The following ATXN7L2 variants were observed in gnomAD, a reference collection of about 807,000 sequenced individuals.
The protein encoded by ATXN7L2 is ataxin-7-like protein 2.
ATXN7L2 carries 17 observed loss-of-function variants against 59.6 expected under a neutral mutation model. The observed-to-expected ratio is 0.29, with a 90% CI of 0.20 to 0.43. ATXN7L2 has a LOEUF of 0.43. ATXN7L2 is among the 20% of genes least tolerant of loss of function. The pLI is 1.00. For missense variants in ATXN7L2, 858 were observed against 1,008.9 expected (o/e 0.85, Z 2.03); for synonymous variants, 378 against 392.5 (o/e 0.96, Z 0.44).
Position 109,486,680 on chromosome 1 carries a change from C to A in ATXN7L2, c.298+70C>A. On this transcript the variant is annotated intron_variant, in intron 3 of 10. Coordinates refer to ENST00000683729, the MANE Select transcript of ATXN7L2 (RefSeq NM_001350175.2). The surrounding 1 kb of genome is among the most constrained non-coding windows in gnomAD (Gnocchi z 4.3). The stretch of plus-strand genomic sequence containing the variant: ...GAGCATGGAACTCTGAGGACAGGGT[C>A]AGTTGGGAGGTCTCGTAGGGTAATG... 2 of 1,365,082 alleles carry A rather than the reference C, an allele frequency of 1.5e-6. No homozygotes were observed. The highest frequency in any genetic ancestry group is 2.1e-6 in the Non-Finnish European group (2 of 964,484). The allele number at this position is 1,365,082 out of a possible 1,614,324, so 84.6% of individuals were successfully genotyped here.
At position 109,486,175 on chromosome 1, in the gene ATXN7L2, C is replaced by T. The variant is rs1459763402; in HGVS notation, c.193+53C>T. Reference sequence around the variant, plus strand: ...GACCCAGGGCAGACAGGACCACGCTCCACTTTTCCACCACACTACAGAAGG... The same window carrying T: ...GACCCAGGGCAGACAGGACCACGCTTCACTTTTCCACCACACTACAGAAGG... On this transcript the variant is annotated intron_variant, in intron 2 of 10. Transcript: ENST00000683729. This position sits in a 1 kb window ranked among gnomAD's most constrained non-coding sequence, Gnocchi z 4.3. 1.3e-6 allele frequency: 2 copies of T among 1,508,296 alleles called. No homozygotes were observed. Among genetic ancestry groups the T allele is most frequent in the Middle Eastern group, 1.8e-4 (1 of 5,566 alleles). The allele number at this position is 1,508,296 out of a possible 1,614,324, so 93.4% of individuals were successfully genotyped here. A position where few individuals can be genotyped will look rare whatever the true frequency, so the allele number is the denominator to read the frequency against.
rs747849280 is a variant in ATXN7L2, at chr1:109,491,139, A to G, written c.1672A>G (p.Met558Val). The change falls in exon 10 of 11, where the codon ATG becomes GTG. Residue 558 changes from methionine to valine, a missense_variant. Met to Val is a conservative substitution (Grantham distance 21). Around this residue, in one of 3 missense-constraint regions of ATXN7L2, gnomAD observed 734 missense variants for 862.3 expected, o/e 0.85. Transcript: ENST00000683729. This position sits in a 1 kb window ranked among gnomAD's most constrained non-coding sequence, Gnocchi z 4.1. The stretch of plus-strand genomic sequence containing the variant: ...GGCTGCCTGTAGCCAGGCAGAGTGC[A>G]TGGGCGGGAGCCAGGCTATCACCTC... ...VAAACSQAEC[M>V]GGSQAITSPL... is the part of the protein sequence containing the mutation. 6.2e-7 allele frequency: 1 copy of G among 1,613,588 alleles called. No homozygotes were observed. Among genetic ancestry groups the G allele is most frequent in the African/African-American group, 1.3e-5 (1 of 75,076 alleles).
Position 109,491,670 on chromosome 1 carries a change from A to G in ATXN7L2, c.2203A>G (p.Lys735Glu). The G allele has an allele frequency of 6.2e-7, 1 of 1,610,416 alleles. No homozygotes were observed. The highest frequency in any genetic ancestry group is 8.5e-7 in the Non-Finnish European group (1 of 1,178,234). The change falls in exon 10 of 11, where the codon AAG (lysine) becomes GAG (glutamate). Residue 735 changes from lysine to glutamate, a missense_variant. By Grantham distance (56) the Lys-to-Glu change is moderately conservative (BLOSUM62 1). Around this residue, in one of 3 missense-constraint regions of ATXN7L2, gnomAD observed 734 missense variants for 862.3 expected, o/e 0.85. Transcript: ENST00000683729. This position sits in a 1 kb window ranked among gnomAD's most constrained non-coding sequence, Gnocchi z 4.1. ...TGTGGCCTGCTCTGTGCGCCGCAAGAAGCCAGGCCCGGCCCTGGCCTTTGA... is the reference window on the plus strand; with the variant it reads ...TGTGGCCTGCTCTGTGCGCCGCAAGGAGCCAGGCCCGGCCCTGGCCTTTGA... ...ADVACSVRRK[K>E]PGPALAFEEK...
Position 109,490,934 on chromosome 1 carries a change from G to T in ATXN7L2, c.1467G>T (p.Pro489=), listed in dbSNP as rs150647650. The stretch of plus-strand genomic sequence containing the variant: ...CTTTTTGCTGCAGGAAGATCCCACC[G>T]GCAGCTGAACCTCCAGCTCACCTTG... ...LSTHMWKKIP[P]AAEPPAHLVN... is the part of the protein sequence containing the mutation. The change falls in exon 10 of 11, where the codon CCG becomes CCT. Residue 489 remains proline, a synonymous_variant. Transcript: ENST00000683729. The T allele has an allele frequency of 6.4e-7, 1 of 1,552,466 alleles. No individual in the cohort carries two copies. Among genetic ancestry groups the T allele is most frequent in the Non-Finnish European group, 8.7e-7 (1 of 1,149,018 alleles).
chr1:109,492,032 G>A, intron 10 of ATXN7L2: 1 of 1,151,414 alleles, frequency 8.7e-7, no homozygotes. Flanking sequence ...TCCAGGTACT[G>A]GAGCTACCTC....
Position 109,486,945 on chromosome 1 carries a change from G to A in ATXN7L2, c.299-62G>A. 7.1e-7 allele frequency: 1 copy of A among 1,404,442 alleles called. No homozygotes were observed. The highest frequency in any genetic ancestry group is 9.6e-7 in the Non-Finnish European group (1 of 1,039,144). The allele number at this position is 1,404,442 out of a possible 1,614,324, so 87.0% of individuals were successfully genotyped here. Reference sequence around the variant, plus strand: ...TCATGTGAGTCTATGGACATGGTTAGGTTGGGGAAGGAAGTGGTGATACCA... The same window carrying A: ...TCATGTGAGTCTATGGACATGGTTAAGTTGGGGAAGGAAGTGGTGATACCA... On this transcript the variant is annotated intron_variant, in intron 3 of 10. Transcript: ENST00000683729. The surrounding 1 kb of genome is among the most constrained non-coding windows in gnomAD (Gnocchi z 4.3).
rs1167571190 is a variant in ATXN7L2 at position 109,491,099 on chromosome 1, C to T, written c.1632C>T (p.Gly544=). ...KDNLVPSYPA[G]SPSVAAACSQ... ...ACCTTGTCCCCAGCTACCCTGCAGGCTCCCCCAGCGTGGCGGCTGCCTGTA... is the reference window on the plus strand; with the variant it reads ...ACCTTGTCCCCAGCTACCCTGCAGGTTCCCCCAGCGTGGCGGCTGCCTGTA... Residue 544 remains glycine, a synonymous_variant, in exon 10 of 11, where the codon GGC becomes GGT. Coordinates refer to ENST00000683729, the MANE Select transcript of ATXN7L2 (RefSeq NM_001350175.2). This position sits in a 1 kb window ranked among gnomAD's most constrained non-coding sequence, Gnocchi z 4.1. 1 of 1,613,706 alleles carries T rather than the reference C, an allele frequency of 6.2e-7. No homozygotes were observed. The highest frequency in any genetic ancestry group is 1.1e-5 in the South Asian group (1 of 91,070).
At chr1:109,487,933 G>A (rs1557869906) in intron 5 of ATXN7L2, 129 bp downstream of exon 5, 2 of 1,129,470 alleles carry the variant, frequency 1.8e-6, no homozygotes, top group Non-Finnish European at 1.2e-6. Flanking sequence ...GGGTATAGGA[G>A]CCCCGTCACC....
chr1:109,486,301 A>G lies in ATXN7L2; in HGVS notation c.193+179A>G, dbSNP rs1316439180. On this transcript the variant is annotated intron_variant, in intron 2 of 10. Coordinates refer to ENST00000683729, the MANE Select transcript of ATXN7L2 (RefSeq NM_001350175.2). The surrounding 1 kb of genome is among the most constrained non-coding windows in gnomAD (Gnocchi z 4.3). ...TGACCTGTCGTTGGAGATCATAATC[A>G]TAGGTGATTGCCCACTCACCTGAAA... 3 of 1,073,660 alleles carry G rather than the reference A, an allele frequency of 2.8e-6. No homozygotes were observed. The highest frequency in any genetic ancestry group is 3.0e-5 in the Admixed American group (1 of 32,844). 66.5% of individuals were successfully genotyped at this position (1,073,660 alleles called of 1,614,324 possible).
At position 109,488,154 on chromosome 1, in the gene ATXN7L2, G is replaced by T. The variant is rs1656735156; in HGVS notation, c.797-229G>T. ...TCTTGATGTGTGTTGCCCTGCTTTGGGCTTGAAGTCCCAAAAGGCGCACCT... is the reference window on the plus strand; with the variant it reads ...TCTTGATGTGTGTTGCCCTGCTTTGTGCTTGAAGTCCCAAAAGGCGCACCT... On this transcript the variant is annotated intron_variant, in intron 5 of 10. Transcript: ENST00000683729. This position sits in a 1 kb window ranked among gnomAD's most constrained non-coding sequence, Gnocchi z 5.0. Among the ~76,000 whole-genome samples, 1 of 152,204 alleles carries T rather than the reference G, an allele frequency of 6.6e-6. No homozygotes were observed. Among genetic ancestry groups the T allele is most frequent in the Admixed American group, 6.5e-5 (1 of 15,282 alleles).
intron 1 of ATXN7L2, 66 bp from the exon 2 acceptor site, chr1:109,485,991 G>A (rs566903819): frequency 1.4e-6 from 2 of 1,463,876 alleles, no homozygotes; most frequent in South Asian, 3.0e-5. Flanking sequence ...AACAGTCTCT[G>A]GTAAGGAGAG....
intron 1 of ATXN7L2, among the ~76,000 whole-genome samples, 193 bp downstream of exon 1, chr1:109,484,273 C>T (rs1328326427): frequency 2.0e-5 from 3 of 152,072 alleles, no homozygotes; most frequent in African/African-American, 4.8e-5. Flanking sequence ...AGCGCCTGCT[C>T]ACCGCTCGCA....
intron 1 of ATXN7L2, 123 bp from the exon 2 acceptor site, chr1:109,485,933 CT>C (rs1368542138): frequency 2.2e-6 from 3 of 1,361,682 alleles, no homozygotes; most frequent in African/African-American, 1.5e-5. Context: ...GCAGGCCCTG[CT>C]TGGGGCTTCT....
At position 109,491,084 on chromosome 1, in the gene ATXN7L2, C is replaced by T; in HGVS notation, c.1617C>T (p.Pro539=). ...CCCCCACCAAGGACAACCTTGTCCC[C>T]AGCTACCCTGCAGGCTCCCCCAGCG... ...SMPPTKDNLV[P]SYPAGSPSVA... is the part of the protein sequence containing the mutation. Residue 539 remains proline (P), a synonymous_variant, in exon 10 of 11, where the codon CCC becomes CCT. Coordinates refer to ENST00000683729, the MANE Select transcript of ATXN7L2 (RefSeq NM_001350175.2). This position sits in a 1 kb window ranked among gnomAD's most constrained non-coding sequence, Gnocchi z 4.1. 6.2e-7 allele frequency: 1 copy of T among 1,613,762 alleles called. No homozygotes were observed. Among genetic ancestry groups the T allele is most frequent in the Non-Finnish European group, 8.5e-7 (1 of 1,180,008 alleles).
intron 1 of ATXN7L2, chr1:109,485,264 A>C (rs1307537731): frequency 2.8e-6 from 2 of 723,428 alleles, no homozygotes; most frequent in African/African-American, 4.3e-5. Context: ...GGGAGGGGGG[A>C]GGAGAGAGGT....
Position 109,486,674 on chromosome 1 carries a change from C to T in ATXN7L2, c.298+64C>T, listed in dbSNP as rs1232950713. 4.2e-6 allele frequency: 6 copies of T among 1,422,958 alleles called. No individual in the cohort carries two copies. The highest frequency in any genetic ancestry group is 2.8e-5 in the African/African-American group (2 of 71,012). The allele number at this position is 1,422,958 out of a possible 1,614,324, so 88.1% of individuals were successfully genotyped here. On this transcript the variant is annotated intron_variant, in intron 3 of 10. Transcript: ENST00000683729. The surrounding 1 kb of genome is among the most constrained non-coding windows in gnomAD (Gnocchi z 4.3). ...AAGGTGGAGCATGGAACTCTGAGGACAGGGTCAGTTGGGAGGTCTCGTAGG... is the reference window on the plus strand; with the variant it reads ...AAGGTGGAGCATGGAACTCTGAGGATAGGGTCAGTTGGGAGGTCTCGTAGG...
In ATXN7L2 at chr1:109,490,136, C is replaced by A. The variant is rs772784423; in HGVS notation, c.1332+8C>A. On this transcript the variant is annotated splice_region_variant and intron_variant, in intron 8 of 10. Coordinates refer to ENST00000683729, the MANE Select transcript of ATXN7L2 (RefSeq NM_001350175.2). Reference sequence around the variant, plus strand: ...CCCCCACGGCCACAGGCGGTAAGGACCTGGAATAGGGGCCTATGGAGGGGG... The same window carrying A: ...CCCCCACGGCCACAGGCGGTAAGGAACTGGAATAGGGGCCTATGGAGGGGG... The A allele has an allele frequency of 1.3e-6, 2 of 1,565,440 alleles. No homozygotes were observed. Among genetic ancestry groups the A allele is most frequent in the Non-Finnish European group, 1.7e-6 (2 of 1,155,716 alleles).
At position 109,487,169 on chromosome 1, in the gene ATXN7L2, G is replaced by T; in HGVS notation, c.461G>T (p.Arg154Leu). 2 of 1,597,092 alleles carry T rather than the reference G, an allele frequency of 1.3e-6. No homozygotes were observed. The highest frequency in any genetic ancestry group is 1.7e-6 in the Non-Finnish European group (2 of 1,171,648). ...TCCAGGGAGAAGGGCCAGGGGTCCC[G>T]GAGCCGTGGCCACCAGCCTCCTGAG... Reference protein sequence around the residue: ...TSSREKGQGSRSRGHQPPEKT... With the variant: ...TSSREKGQGSLSRGHQPPEKT... The change falls in exon 4 of 11, where the codon CGG becomes CTG. Residue 154 changes from arginine (R) to leucine (L), a missense_variant. By Grantham distance (102) the Arg-to-Leu change is moderately radical. This residue lies in a region of ATXN7L2 where 734 missense variants were observed against 862.3 expected (regional missense o/e 0.85). Transcript: ENST00000683729.
intron 5 of ATXN7L2, 109 bp downstream of exon 5, chr1:109,487,913 A>G: frequency 7.5e-7 from 1 of 1,335,726 alleles, no homozygotes; most frequent in African/African-American, 1.5e-5. Context: ...CCTGGCCATC[A>G]CAGGTTGTAG....
Sources: gnomAD v4.1 joint callset for allele counts (sites outside exome capture counted in the v4.1 genomes callset) on GRCh38, gnomAD v4.1.1 for gene constraint, gnomAD v4.1.1 regional missense constraint, Gnocchi (gnomAD v3.1) non-coding constraint, MANE v1.5 for transcripts, NCBI Gene and HGNC (gene_info 2026-07-23, HGNC 2026-07-21) for gene names.